ADAM12: variants seen among roughly 807,000 people sequenced by gnomAD.
ADAM12 encodes the protein ADAM metallopeptidase domain 12, also known as disintegrin and metalloproteinase domain-containing protein 12.
ADAM12 carries 70 observed loss-of-function variants against 106.4 expected under a neutral mutation model. That is an observed-to-expected ratio of 0.66 (90% confidence interval 0.54 to 0.80). ADAM12 has a LOEUF of 0.80. Among genes scored for constraint, ADAM12 ranks in the 30% least tolerant of loss-of-function variants. The pLI, the probability that ADAM12 is intolerant of heterozygous loss-of-function variation, is 0.00. For synonymous variants in ADAM12, 420 were observed against 433.5 expected, an observed-to-expected ratio of 0.97 and a Z score of 0.39; for missense variants, 1,010 against 1,171.9, an observed-to-expected ratio of 0.86 and a Z score of 2.02.
chr10:126,373,445 C>T (rs937505801), intron 1 of ADAM12, among the ~76,000 whole-genome samples: 1 of 152,222 alleles, frequency 6.6e-6, no homozygotes, highest in African/African-American at 2.4e-5. Context: ...AAGCAGCTGA[C>T]TGACTTTTCT....
At chr10:126,299,731 C>A (rs2133796122) in intron 2 of ADAM12, among the ~76,000 whole-genome samples, 1 of 152,234 alleles carries the variant, frequency 6.6e-6, no homozygotes, top group Non-Finnish European at 1.5e-5. Context: ...GCAAACTCTG[C>A]CTCCTGGGTT....
chr10:126,322,722 G>A (rs1342101402), intron 2 of ADAM12, among the ~76,000 whole-genome samples: 7 of 152,206 alleles, frequency 4.6e-5, no homozygotes, highest in Non-Finnish European at 8.8e-5. Context: ...GAGCAAGGGC[G>A]AATGACAAGC....
intron 3 of ADAM12, among the ~76,000 whole-genome samples, chr10:126,266,879 C>T (rs1023615558): frequency 2.0e-5 from 3 of 152,148 alleles, no homozygotes; most frequent in Non-Finnish European, 4.4e-5. Flanking sequence ...GGGGATGCCG[C>T]TAAACCACGC....
At chr10:126,347,598 G>A (rs998257237) in intron 1 of ADAM12, among the ~76,000 whole-genome samples, 1 of 152,178 alleles carries the variant, frequency 6.6e-6, no homozygotes, top group African/African-American at 2.4e-5. Flanking sequence ...ATTATAAAGA[G>A]AAAGCCCTAC....
intron 14 of ADAM12, among the ~76,000 whole-genome samples, chr10:126,051,283 T>G (rs1954474973): frequency 1.3e-5 from 2 of 152,206 alleles, no homozygotes; most frequent in African/African-American, 4.8e-5. Context: ...ATTGTTTGTG[T>G]TTTTGCACAC....
intron 3 of ADAM12, among the ~76,000 whole-genome samples, chr10:126,204,483 C>T (rs1957760057): frequency 2.0e-5 from 3 of 152,220 alleles, no homozygotes; most frequent in South Asian, 4.1e-4. Context: ...TGCTGAGTCA[C>T]TCTGGGTCAG....
chr10:126,351,930 G>A (rs902067918), intron 1 of ADAM12, among the ~76,000 whole-genome samples: 9 of 152,064 alleles, frequency 5.9e-5, no homozygotes, highest in Middle Eastern at 3.2e-3. Flanking sequence ...GGTCACTATA[G>A]GACTCCGGCC....
chr10:126,291,571 C>T (rs543290665), intron 2 of ADAM12, among the ~76,000 whole-genome samples: 2 of 152,222 alleles, frequency 1.3e-5, no homozygotes, highest in East Asian at 3.8e-4. Context: ...GTGTCACTTG[C>T]TCTTCCCTTT....
chr10:126,198,624 G>A (rs767682835), intron 3 of ADAM12, among the ~76,000 whole-genome samples: 18 of 152,190 alleles, frequency 1.2e-4, no homozygotes, highest in Admixed American at 2.0e-4. Flanking sequence ...CCAGCTGTGG[G>A]TGCCGGGGAT....
In ADAM12 at chr10:126,086,680, AATATATATATAT is replaced by A. The variant is rs1210379675; in HGVS notation, c.1145+7293_1145+7304del. ...AAAAAAAAAAAAAAAAAAAAAAAAAAATATATATATATATATATATATATATAAAATAAAATA... is the reference window on the plus strand; with the variant it reads ...AAAAAAAAAAAAAAAAAAAAAAAAAAATATATATATATATAAAATAAAATA... On this transcript the variant is annotated intron_variant, in intron 11 of 22. Transcript: ENST00000448723. Among the ~76,000 whole-genome samples the A allele has an allele frequency of 2.3e-3, 55 of 24,270 alleles. 1 individual carries two copies. Among genetic ancestry groups the A allele is most frequent in the African/African-American group, 0.016 (48 of 3,076 alleles). The allele number at this position is 24,270 out of a possible 152,430, so 15.9% of individuals were successfully genotyped here.
chr10:126,289,775 G>C (rs554518522), intron 2 of ADAM12, among the ~76,000 whole-genome samples: 1 of 152,186 alleles, frequency 6.6e-6, no homozygotes, highest in Non-Finnish European at 1.5e-5. Flanking sequence ...AGAAGGCTAC[G>C]GTCAGACGGC....
chr10:126,097,079 T>C (rs554642980), intron 10 of ADAM12, among the ~76,000 whole-genome samples: 1 of 152,282 alleles, frequency 6.6e-6, no homozygotes, highest in South Asian at 2.1e-4. Flanking sequence ...GAACTTACCA[T>C]GCTTATGAAG....
chr10:126,307,514 C>T (rs758533340), intron 2 of ADAM12, among the ~76,000 whole-genome samples: 7 of 151,914 alleles, frequency 4.6e-5, no homozygotes, highest in South Asian at 4.2e-4. Flanking sequence ...CAACCACATC[C>T]GACAATTTTT....
In ADAM12 at chr10:126,251,069, C is replaced by T. The variant is rs1035991503; in HGVS notation, c.260+27846G>A. 2.0e-5 allele frequency among the ~76,000 whole-genome samples: 3 copies of T among 152,206 alleles called. No homozygotes were observed. The East Asian group carries it at 5.8e-4, about 29-fold the overall frequency. ...CTGGGAATAGAAACTCTGCCTCTCT[C>T]ACTGGCTCACATCAAAGTGGCTTGT... On this transcript the variant is annotated intron_variant, in intron 3 of 22. Coordinates refer to ENST00000448723, the MANE Select transcript of ADAM12 (RefSeq NM_001288973.2).
intron 3 of ADAM12, among the ~76,000 whole-genome samples, chr10:126,255,487 A>G (rs1958873250): frequency 6.6e-6 from 1 of 152,186 alleles, no homozygotes; most frequent in Non-Finnish European, 1.5e-5. Flanking sequence ...GGAGGGTCCA[A>G]TAAGGCAGTT....
intron 1 of ADAM12, among the ~76,000 whole-genome samples, chr10:126,347,426 C>G (rs1158000083): frequency 6.6e-6 from 1 of 152,128 alleles, no homozygotes; most frequent in Non-Finnish European, 1.5e-5. Context: ...TGTGGGTAAC[C>G]CGACCTTTCT....
chr10:126,105,432 T>G (rs1955746975), intron 8 of ADAM12, among the ~76,000 whole-genome samples: 1 of 152,198 alleles, frequency 6.6e-6, no homozygotes, highest in Non-Finnish European at 1.5e-5. Flanking sequence ...GAGGATAGCC[T>G]GAGGCCGTTG....
chr10:126,042,183 C>T (rs1329120870), intron 18 of ADAM12: 2 of 1,613,828 alleles, frequency 1.2e-6, no homozygotes, highest in South Asian at 2.2e-5. Context: ...ATCCCACGGG[C>T]TCCTGGCCCT....
chr10:126,176,510 T>C (rs922251098), intron 3 of ADAM12, among the ~76,000 whole-genome samples: 41 of 152,230 alleles, frequency 2.7e-4, no homozygotes, highest in African/African-American at 9.9e-4. Flanking sequence ...TGGCAAGACA[T>C]TGCCATTGCA....
Sources: allele counts gnomAD v4.1 joint callset (sites outside exome capture counted in the v4.1 genomes callset), GRCh38; gene constraint gnomAD v4.1.1; transcripts MANE v1.5; gene names NCBI Gene and HGNC (gene_info 2026-07-23, HGNC 2026-07-21).